Variants in CACNA2D3 observed in about 807,000 individuals in gnomAD.
CACNA2D3 encodes the protein voltage-dependent calcium channel subunit alpha-2/delta-3.
A neutral mutation model predicts 160.6 loss-of-function variants in CACNA2D3; 60 were observed. The ratio of observed to expected loss-of-function variants is 0.37; its 90% CI spans 0.30 to 0.46. CACNA2D3 has a LOEUF of 0.46. CACNA2D3 is among the 20% of genes least tolerant of loss of function. The pLI is 1.00. For missense variants in CACNA2D3, 1,205 were observed against 1,365.0 expected, an observed-to-expected ratio of 0.88 and a Z score of 1.85; for synonymous variants, 558 against 492.9, an observed-to-expected ratio of 1.13 and a Z score of -1.75.
In CACNA2D3 at chr3:55,050,244, G is replaced by T. The variant is rs973894772; in HGVS notation, c.2988-23201G>T. On this transcript the variant is annotated intron_variant, in intron 35 of 37. Transcript: ENST00000474759. ...CATGATTTTGCAGCGGCTGGTACCGGTTGTTCCTTTCCATGTTTAGCGCTT... is the reference window on the plus strand; with the variant it reads ...CATGATTTTGCAGCGGCTGGTACCGTTTGTTCCTTTCCATGTTTAGCGCTT... Among the ~76,000 whole-genome samples, 809 of 150,794 alleles carry T rather than the reference G, an allele frequency of 5.4e-3. 5 individuals are homozygous for T. The highest frequency in any genetic ancestry group is 0.019 in the African/African-American group (757 of 40,770).
At chr3:54,631,143 G>A (rs1699228566) in intron 10 of CACNA2D3, among the ~76,000 whole-genome samples, 1 of 151,770 alleles carries the variant, frequency 6.6e-6, no homozygotes, top group Non-Finnish European at 1.5e-5. Flanking sequence ...GGGAGAGGAT[G>A]CAGTGAGCTG....
At chr3:54,455,779 A>G (rs117990875) in intron 4 of CACNA2D3, among the ~76,000 whole-genome samples, 2,962 of 152,184 alleles carry the variant, frequency 0.019, 73 homozygotes, top group East Asian at 0.11. Flanking sequence ...GTTTAGTTTC[A>G]TTCTTCTACA....
chr3:54,215,183 C>A (rs1309719751), intron 2 of CACNA2D3, among the ~76,000 whole-genome samples: 1 of 152,116 alleles, frequency 6.6e-6, no homozygotes. Flanking sequence ...ATTCAAATAT[C>A]CTACCCCCCA....
At chr3:54,138,622 C>T (rs1370830378) in intron 2 of CACNA2D3, among the ~76,000 whole-genome samples, 1 of 152,186 alleles carries the variant, frequency 6.6e-6, no homozygotes, top group African/African-American at 2.4e-5. Flanking sequence ...GATGCCAGGA[C>T]CTGGCCCAAG....
intron 4 of CACNA2D3, among the ~76,000 whole-genome samples, chr3:54,418,923 C>T (rs912765014): frequency 6.6e-6 from 1 of 152,192 alleles, no homozygotes; most frequent in Non-Finnish European, 1.5e-5. Flanking sequence ...ACCTCTACCT[C>T]CTTTGTAGAC....
intron 23 of CACNA2D3, 101 bp downstream of exon 23, chr3:54,885,687 G>T: frequency 2.6e-6 from 2 of 775,170 alleles, no homozygotes; most frequent in Admixed American, 4.2e-5. Context: ...GCTTTGCTTT[G>T]GCAGAGATTA....
intron 27 of CACNA2D3, among the ~76,000 whole-genome samples, chr3:54,932,160 C>CAGAGTGAG (rs1366850374): frequency 6.6e-6 from 1 of 152,062 alleles, no homozygotes; most frequent in Non-Finnish European, 1.5e-5. Context: ...GCCTGGGCAA[C>CAGAGTGAG]AGAGTGAGAC....
intron 11 of CACNA2D3, among the ~76,000 whole-genome samples, chr3:54,661,180 G>A (rs998143709): frequency 3.9e-5 from 6 of 152,190 alleles, no homozygotes; most frequent in Admixed American, 3.9e-4. Flanking sequence ...ACTTGGATCT[G>A]GAGAGGGTCA....
In CACNA2D3 at chr3:54,167,356, T is replaced by G. The variant is rs557144557; in HGVS notation, c.204+43762T>G. 2.0e-5 allele frequency among the ~76,000 whole-genome samples: 3 copies of G among 152,324 alleles called. No individual in the cohort carries two copies. The East Asian group carries it at 5.8e-4, about 29-fold the overall frequency. On this transcript the variant is annotated intron_variant, in intron 2 of 37. Coordinates refer to ENST00000474759, the MANE Select transcript of CACNA2D3 (RefSeq NM_018398.3). ...GATTGGACCTGATACCCTCCAACTC[T>G]GATTAATGCCTCCCCAGCCTTCTGC...
chr3:54,617,735 T>C (rs1288560093), intron 9 of CACNA2D3, among the ~76,000 whole-genome samples: 1 of 152,168 alleles, frequency 6.6e-6, no homozygotes, highest in Non-Finnish European at 1.5e-5. Flanking sequence ...CAGGCTGAGC[T>C]AGGAGGATGT....
chr3:54,579,470 A>C lies in CACNA2D3; in HGVS notation c.889-2333A>C, dbSNP rs575141277. 3.3e-5 allele frequency among the ~76,000 whole-genome samples: 5 copies of C among 152,290 alleles called. No homozygotes were observed. The South Asian group carries it at 1.0e-3, about 32-fold the overall frequency. ...GTGAGTATAGATGAGTTTTCCCTTA[A>C]TGGCAGGAAAACGTTTCATTGAAAC... On this transcript the variant is annotated intron_variant, in intron 8 of 37. Coordinates refer to ENST00000474759, the MANE Select transcript of CACNA2D3 (RefSeq NM_018398.3).
At chr3:55,072,353 C>G (rs990867836) in intron 35 of CACNA2D3, among the ~76,000 whole-genome samples, 1 of 152,050 alleles carries the variant, frequency 6.6e-6, no homozygotes, top group Non-Finnish European at 1.5e-5. Flanking sequence ...ATGGATCATT[C>G]AACATATGAG....
At chr3:54,177,944 C>T (rs1286133984) in intron 2 of CACNA2D3, 2 of 152,038 alleles carry the variant, frequency 1.3e-5, no homozygotes, top group African/African-American at 4.8e-5. Flanking sequence ...AAAAATATTA[C>T]CTTATTTCCA....
At chr3:54,993,092 A>G (rs1002639223) in intron 31 of CACNA2D3, among the ~76,000 whole-genome samples, 7 of 152,202 alleles carry the variant, frequency 4.6e-5, no homozygotes, top group Admixed American at 3.9e-4. Context: ...ATCTGCCCCC[A>G]TGATCCAATC....
chr3:54,467,647 G>T, intron 4 of CACNA2D3, among the ~76,000 whole-genome samples: 1 of 152,130 alleles, frequency 6.6e-6, no homozygotes, highest in East Asian at 1.9e-4. Flanking sequence ...AATACTGCAT[G>T]ATTTCAGTCA....
rs144828712 is a variant in CACNA2D3, at chr3:54,350,502, G to A, written c.321+29944G>A. ...GGTACCACTGACTACTTTAGGATTA[G>A]CGTTCAGAGGCTTTACTGACAAAAG... On this transcript the variant is annotated intron_variant, in intron 3 of 37. Coordinates refer to ENST00000474759, the MANE Select transcript of CACNA2D3 (RefSeq NM_018398.3). Among the ~76,000 whole-genome samples, 192 of 152,258 alleles carry A rather than the reference G, an allele frequency of 1.3e-3. 1 individual carries two copies. The highest frequency in any genetic ancestry group is 4.4e-3 in the African/African-American group (181 of 41,540).
At chr3:55,021,901 G>T (rs1467069965) in intron 35 of CACNA2D3, among the ~76,000 whole-genome samples, 4 of 151,780 alleles carry the variant, frequency 2.6e-5, no homozygotes, top group Non-Finnish European at 5.9e-5. Flanking sequence ...ATCTATTTTA[G>T]TATCTGTGGA....
intron 2 of CACNA2D3, among the ~76,000 whole-genome samples, chr3:54,170,581 T>C (rs1700543663): frequency 1.3e-5 from 2 of 152,128 alleles, no homozygotes; most frequent in South Asian, 4.1e-4. Flanking sequence ...CATTTTGTCC[T>C]AGGAGGGCCA....
At chr3:54,955,707 C>A (rs974754383) in intron 27 of CACNA2D3, among the ~76,000 whole-genome samples, 1 of 152,082 alleles carries the variant, frequency 6.6e-6, no homozygotes, top group African/African-American at 2.4e-5. Flanking sequence ...CCTGGCTCTC[C>A]CCTGAGGCCT....
Sources: gnomAD v4.1 joint callset for allele counts (sites outside exome capture counted in the v4.1 genomes callset) on GRCh38, gnomAD v4.1.1 for gene constraint, MANE v1.5 for transcripts, NCBI Gene and HGNC (gene_info 2026-07-23, HGNC 2026-07-21) for gene names.